KCNA4: variants seen among roughly 807,000 people sequenced by gnomAD.
KCNA4 encodes potassium voltage-gated channel subfamily A member 4, also known as cardiac potassium channel.
Under a neutral mutation model 37.2 loss-of-function variants are expected in KCNA4, and 5 were observed. The ratio of observed to expected loss-of-function variants is 0.13; its 90% CI spans 0.07 to 0.28. KCNA4 has a LOEUF of 0.28. Among genes scored for constraint, KCNA4 ranks in the 10% least tolerant of loss-of-function variants. The pLI, the probability that KCNA4 is intolerant of heterozygous loss-of-function variation, is 1.00. For missense variants in KCNA4, 634 were observed against 817.4 expected, an observed-to-expected ratio of 0.78 and a Z score of 2.74; for synonymous variants, 350 against 311.8, an observed-to-expected ratio of 1.12 and a Z score of -1.29.
rs1850301765 is a variant in KCNA4 at position 30,011,394 on chromosome 11, C to G, written c.1285G>C (p.Gly429Arg). ...LGTDLAQQQGGGNGQQQQAMS... is the reference protein window; with the variant it reads ...LGTDLAQQQGRGNGQQQQAMS... ...GCCTGCTGCTGCTGACCATTGCCAC[C>G]CCCCTGTTGCTGGGCCAGGTCAGTG... is the stretch of plus-strand genomic sequence containing the variant. The change falls in exon 2 of 2, where the codon GGT (glycine) becomes CGT (arginine). Residue 429 changes from glycine to arginine, a missense_variant. By Grantham distance (125) the Gly-to-Arg change is moderately radical. This residue lies in a region of KCNA4 where 252 missense variants were observed against 344.2 expected (regional missense o/e 0.73). Transcript: ENST00000328224. This position sits in a 1 kb window ranked among gnomAD's most constrained non-coding sequence, Gnocchi z 5.6. 1 of 1,613,942 alleles carries G rather than the reference C, an allele frequency of 6.2e-7. No individual in the cohort carries two copies. The highest frequency in any genetic ancestry group is 1.3e-5 in the African/African-American group (1 of 74,910).
Position 30,012,909 on chromosome 11 carries a change from A to G in KCNA4, c.-231T>C. On this transcript the variant is annotated 5_prime_UTR_variant, in exon 2 of 2. Transcript: ENST00000328224. ...GCTCTCCAGAGCTTGGCTGGTCGAG[A>G]TAAATAGCCTGGCACTCTCAAGACT... 4.0e-6 allele frequency: 2 copies of G among 499,026 alleles called. No homozygotes were observed. Among genetic ancestry groups the G allele is most frequent in the Non-Finnish European group, 6.8e-6 (2 of 295,560 alleles). 30.9% of individuals were successfully genotyped at this position (499,026 alleles called of 1,614,324 possible).
Position 30,012,504 on chromosome 11 carries a change from C to T in KCNA4, c.175G>A (p.Gly59Arg). The change falls in exon 2 of 2, where the codon GGG (glycine) becomes AGG (arginine). Residue 59 changes from glycine (G) to arginine (R), a missense_variant. Coordinates refer to ENST00000328224, the MANE Select transcript of KCNA4 (RefSeq NM_002233.4). The part of the protein sequence containing the change: ...AAVEGSGGSG[G>R]GSHHHHQSRG... ...GACTGGTGGTGGTGGTGGGAGCCCC[C>T]ACCAGAACCCCCGCTACCTTCGACA... 6.2e-7 allele frequency: 1 copy of T among 1,610,238 alleles called. No individual in the cohort carries two copies. Among genetic ancestry groups the T allele is most frequent in the Non-Finnish European group, 8.5e-7 (1 of 1,179,914 alleles).
In KCNA4 at chr11:30,016,909, A is replaced by G. The variant is rs1335938497; in HGVS notation, c.-1120T>C. The G allele has an allele frequency of 7.5e-6, 3 of 398,892 alleles. No homozygotes were observed. Among genetic ancestry groups the G allele is most frequent in the Non-Finnish European group, 1.3e-5 (3 of 226,300 alleles). The allele number at this position is 398,892 out of a possible 1,614,324, so 24.7% of individuals were successfully genotyped here. A position where few individuals can be genotyped will look rare whatever the true frequency, so the allele number is the denominator to read the frequency against. On this transcript the variant is annotated 5_prime_UTR_variant, in exon 1 of 2. Coordinates refer to ENST00000328224, the MANE Select transcript of KCNA4 (RefSeq NM_002233.4). Reference sequence around the variant, plus strand: ...GAAGTCAAGGTTCCCCCGAAAAGAAACAAAATCCTAGACAGCAGCGATCAC... The same window carrying G: ...GAAGTCAAGGTTCCCCCGAAAAGAAGCAAAATCCTAGACAGCAGCGATCAC...
chr11:30,011,280 G>A lies in KCNA4; in HGVS notation c.1399C>T (p.Leu467=). The A allele has an allele frequency of 1.9e-6, 3 of 1,614,164 alleles. No individual in the cohort carries two copies. The highest frequency in any genetic ancestry group is 1.7e-6 in the Non-Finnish European group (2 of 1,180,038). Residue 467 remains leucine, a synonymous_variant, in exon 2 of 2, where the codon CTG becomes TTG. Transcript: ENST00000328224. This position sits in a 1 kb window ranked among gnomAD's most constrained non-coding sequence, Gnocchi z 5.6. ...ATGCTGGCTCTGAGGGTGTGGCCCAGGATCTGCAGGCCTTTGGAGTGCCTG... is the reference window on the plus strand; with the variant it reads ...ATGCTGGCTCTGAGGGTGTGGCCCAAGATCTGCAGGCCTTTGGAGTGCCTG... ...LSRHSKGLQI[L]GHTLRASMRE...
chr11:30,012,601 C>G lies in KCNA4; in HGVS notation c.78G>C (p.Arg26=). Residue 26 remains arginine (R), a synonymous_variant, in exon 2 of 2, where the codon CGG becomes CGC. Coordinates refer to ENST00000328224, the MANE Select transcript of KCNA4 (RefSeq NM_002233.4). ...GAGCAAGCCTCTCCCGCTCCCGGGCCCGGGCCTGGGCAGCATAACCATAAG... is the reference window on the plus strand; with the variant it reads ...GAGCAAGCCTCTCCCGCTCCCGGGCGCGGGCCTGGGCAGCATAACCATAAG... The part of the protein sequence containing the change: ...HMPYGYAAQA[R]ARERERLAHS... 3 of 1,608,094 alleles carry G rather than the reference C, an allele frequency of 1.9e-6. No homozygotes were observed. The highest frequency in any genetic ancestry group is 2.5e-6 in the Non-Finnish European group (3 of 1,179,482).
Position 30,011,814 on chromosome 11 carries a change from A to G in KCNA4, c.865T>C (p.Phe289Leu). ...EEDRALPENE[F>L]KKQIWLLFEY... is the part of the protein sequence containing the mutation. ...AAGAGGAGCCAAATCTGCTTTTTAA[A>G]TTCATTCTCGGGGAGGGCCCTGTCT... The change falls in exon 2 of 2, where the codon TTT becomes CTT. Residue 289 changes from phenylalanine to leucine, a missense_variant. This residue lies in a region of KCNA4 where 252 missense variants were observed against 344.2 expected (regional missense o/e 0.73). Transcript: ENST00000328224. This position sits in a 1 kb window ranked among gnomAD's most constrained non-coding sequence, Gnocchi z 5.6. 1 of 1,614,020 alleles carries G rather than the reference A, an allele frequency of 6.2e-7. No homozygotes were observed. The highest frequency in any genetic ancestry group is 8.5e-7 in the Non-Finnish European group (1 of 1,179,982).
At chr11:30,014,756 A>G (rs1408425767) in intron 1 of KCNA4, among the ~76,000 whole-genome samples, 1 of 151,858 alleles carries the variant, frequency 6.6e-6, no homozygotes, top group Non-Finnish European at 1.5e-5. Flanking sequence ...CCCCATCCAA[A>G]TCTCCTGTCT....
chr11:30,011,403 G>T lies in KCNA4; in HGVS notation c.1276C>A (p.Gln426Lys), dbSNP rs1180122757. ...FITLGTDLAQ[Q>K]QGGGNGQQQQ... ...TGCTGACCATTGCCACCCCCCTGTT[G>T]CTGGGCCAGGTCAGTGCCCAGTGTG... Residue 426 changes from glutamine to lysine, a missense_variant, in exon 2 of 2, where the codon CAA (glutamine) becomes AAA (lysine). Transcript: ENST00000328224. The surrounding 1 kb of genome is among the most constrained non-coding windows in gnomAD (Gnocchi z 5.6). The T allele has an allele frequency of 1.2e-6, 2 of 1,614,148 alleles. No homozygotes were observed. Among genetic ancestry groups the T allele is most frequent in the Non-Finnish European group, 1.7e-6 (2 of 1,180,030 alleles).
chr11:30,012,267 C>T lies in KCNA4; in HGVS notation c.412G>A (p.Gly138Arg), dbSNP rs200269029. Reference protein sequence around the residue: ...EEEEEEEEEEGRFYYSEDDHG... With the variant: ...EEEEEEEEEERRFYYSEDDHG... ...TCATCTTCACTATAGTAAAACCTTC[C>T]CTCCTCTTCCTCCTCTTCCTCCTCC... The change falls in exon 2 of 2, where the codon GGA (glycine) becomes AGA (arginine). Residue 138 changes from glycine to arginine, a missense_variant. By Grantham distance (125) the Gly-to-Arg change is moderately radical. Coordinates refer to ENST00000328224, the MANE Select transcript of KCNA4 (RefSeq NM_002233.4). The T allele has an allele frequency of 6.2e-7, 1 of 1,613,666 alleles. No individual in the cohort carries two copies. The highest frequency in any genetic ancestry group is 2.2e-5 in the East Asian group (1 of 44,846).
intron 1 of KCNA4, among the ~76,000 whole-genome samples, chr11:30,015,685 A>C (rs1355972298): frequency 6.6e-6 from 1 of 152,170 alleles, no homozygotes. Context: ...AGAAGAGAAA[A>C]GAAAAATCAT....
Position 30,012,556 on chromosome 11 carries a change from T to G in KCNA4, c.123A>C (p.Ala41=). The change falls in exon 2 of 2, where the codon GCA becomes GCC. Residue 41 remains alanine (A), a synonymous_variant. Coordinates refer to ENST00000328224, the MANE Select transcript of KCNA4 (RefSeq NM_002233.4). The part of the protein sequence containing the change: ...ERLAHSRAAA[A]AAVAAATAAV... The stretch of plus-strand genomic sequence containing the variant: ...CAGCTGTGGCCGCTGCAACAGCAGC[T>G]GCTGCAGCTGCCCTGGAGTGAGCAA... 4 of 1,607,524 alleles carry G rather than the reference T, an allele frequency of 2.5e-6. No individual in the cohort carries two copies. The highest frequency in any genetic ancestry group is 3.4e-6 in the Non-Finnish European group (4 of 1,179,946).
chr11:30,015,092 A>G (rs556321441), intron 1 of KCNA4, among the ~76,000 whole-genome samples: 3 of 152,244 alleles, frequency 2.0e-5, no homozygotes, highest in Non-Finnish European at 2.9e-5. Flanking sequence ...CTAGGGCAAG[A>G]AGGGCATTTG....
rs1850293950 is a variant in KCNA4, at chr11:30,010,646, A to T, written c.*71T>A. On this transcript the variant is annotated 3_prime_UTR_variant, in exon 2 of 2. Coordinates refer to ENST00000328224, the MANE Select transcript of KCNA4 (RefSeq NM_002233.4). ...TGGATCATTTGCATATTTCATTTTC[A>T]TAACTGCACTCTCTATGCATAAATA... The T allele has an allele frequency of 3.9e-6, 6 of 1,527,536 alleles. No homozygotes were observed. Among genetic ancestry groups the T allele is most frequent in the Non-Finnish European group, 5.3e-6 (6 of 1,140,928 alleles). The allele number at this position is 1,527,536 out of a possible 1,614,324, so 94.6% of individuals were successfully genotyped here. A position where few individuals can be genotyped will look rare whatever the true frequency, so the allele number is the denominator to read the frequency against.
In KCNA4 at chr11:30,012,890, C is replaced by T; in HGVS notation, c.-212G>A. On this transcript the variant is annotated 5_prime_UTR_variant, in exon 2 of 2. Transcript: ENST00000328224. ...TTCTCAGGGATTCAACATTGCTCTC[C>T]AGAGCTTGGCTGGTCGAGATAAATA... The T allele has an allele frequency of 1.7e-6, 1 of 595,152 alleles. No homozygotes were observed. The highest frequency in any genetic ancestry group is 3.3e-5 in the East Asian group (1 of 30,260). 36.9% of individuals were successfully genotyped at this position (595,152 alleles called of 1,614,324 possible). A position where few individuals can be genotyped will look rare whatever the true frequency, so the allele number is the denominator to read the frequency against.
In KCNA4 at chr11:30,011,270, G is replaced by C; in HGVS notation, c.1409C>G (p.Thr470Ser). Residue 470 changes from threonine to serine, a missense_variant, in exon 2 of 2, where the codon ACC (threonine) becomes AGC (serine). This residue lies in a region of KCNA4 where 19 missense variants were observed against 56.6 expected (regional missense o/e 0.34). Coordinates refer to ENST00000328224, the MANE Select transcript of KCNA4 (RefSeq NM_002233.4). The surrounding 1 kb of genome is among the most constrained non-coding windows in gnomAD (Gnocchi z 5.6). ...CAGTTCCCGCATGCTGGCTCTGAGG[G>C]TGTGGCCCAGGATCTGCAGGCCTTT... is the stretch of plus-strand genomic sequence containing the variant. Reference protein sequence around the residue: ...HSKGLQILGHTLRASMRELGL... With the variant: ...HSKGLQILGHSLRASMRELGL... The C allele has an allele frequency of 6.2e-7, 1 of 1,614,138 alleles. No homozygotes were observed. The highest frequency in any genetic ancestry group is 8.5e-7 in the Non-Finnish European group (1 of 1,180,036).
rs540378177 is a variant in KCNA4, at chr11:30,014,162, T to C, written c.-782-702A>G. ...AATAACATAACAGCAACCTATGTTT[T>C]TATTGTCTATCTACACAGCCCCAAG... On this transcript the variant is annotated intron_variant, in intron 1 of 1. Transcript: ENST00000328224. 1.2e-4 allele frequency among the ~76,000 whole-genome samples: 18 copies of C among 152,180 alleles called. No homozygotes were observed. In the East Asian group the frequency reaches 2.9e-3, roughly 25 times the overall value.
In KCNA4 at chr11:30,011,605, A is replaced by G. The variant is rs1266725331; in HGVS notation, c.1074T>C (p.His358=). 5.6e-6 allele frequency: 9 copies of G among 1,613,976 alleles called. No individual in the cohort carries two copies. Among genetic ancestry groups the G allele is most frequent in the Non-Finnish European group, 7.6e-6 (9 of 1,180,038 alleles). The part of the protein sequence containing the change: ...GGLLNDTSAP[H]LENSGHTIFN... ...ATATTGTGTGCCCTGAGTTCTCCAG[A>G]TGGGGTGCTGAAGTATCATTCAACA... Residue 358 remains histidine (H), a synonymous_variant, in exon 2 of 2, where the codon CAT becomes CAC. Coordinates refer to ENST00000328224, the MANE Select transcript of KCNA4 (RefSeq NM_002233.4). The surrounding 1 kb of genome is among the most constrained non-coding windows in gnomAD (Gnocchi z 5.6).
In KCNA4 at chr11:30,011,400, G is replaced by T; in HGVS notation, c.1279C>A (p.Gln427Lys). Residue 427 changes from glutamine to lysine, a missense_variant, in exon 2 of 2, where the codon CAG becomes AAG. Gln to Lys is a moderately conservative substitution (Grantham distance 53). Around this residue, in one of 8 missense-constraint regions of KCNA4, gnomAD observed 252 missense variants for 344.2 expected, o/e 0.73. Transcript: ENST00000328224. This position sits in a 1 kb window ranked among gnomAD's most constrained non-coding sequence, Gnocchi z 5.6. ...TGCTGCTGACCATTGCCACCCCCCT[G>T]TTGCTGGGCCAGGTCAGTGCCCAGT... ...ITLGTDLAQQ[Q>K]GGGNGQQQQA... 3.7e-6 allele frequency: 6 copies of T among 1,614,150 alleles called. No individual in the cohort carries two copies. Among genetic ancestry groups the T allele is most frequent in the Non-Finnish European group, 5.1e-6 (6 of 1,180,028 alleles).
At position 30,016,683 on chromosome 11, in the gene KCNA4, C is replaced by A. The variant is rs1245929542; in HGVS notation, c.-894G>T. The stretch of plus-strand genomic sequence containing the variant: ...GGGAAGAATGATCCTGGGTGGGGGG[C>A]GGGGGGTGGTAAAAGGAATCACTCG... On this transcript the variant is annotated 5_prime_UTR_variant, in exon 1 of 2. Transcript: ENST00000328224. The A allele has an allele frequency of 8.8e-5, 21 of 239,680 alleles. No homozygotes were observed. Among genetic ancestry groups the A allele is most frequent in the East Asian group, 8.4e-4 (15 of 17,890 alleles). The allele number at this position is 239,680 out of a possible 1,614,324, so 14.8% of individuals were successfully genotyped here. A position where few individuals can be genotyped will look rare whatever the true frequency, so the allele number is the denominator to read the frequency against.
Sources: gnomAD v4.1 joint callset for allele counts (sites outside exome capture counted in the v4.1 genomes callset) on GRCh38, gnomAD v4.1.1 for gene constraint, gnomAD v4.1.1 regional missense constraint, Gnocchi (gnomAD v3.1) non-coding constraint, MANE v1.5 for transcripts, NCBI Gene and HGNC (gene_info 2026-07-23, HGNC 2026-07-21) for gene names.